Variants in PARD3 observed in about 807,000 individuals in gnomAD.
PARD3 encodes par-3 family cell polarity regulator, also known as partitioning defective 3 homolog.
A neutral mutation model predicts 155.4 loss-of-function variants in PARD3; 75 were observed. That is an observed-to-expected ratio of 0.48 (90% confidence interval 0.40 to 0.58). The LOEUF is 0.58. PARD3 is among the 20% of genes least tolerant of loss of function. PARD3 has a pLI of 0.00. For synonymous variants in PARD3, 576 were observed against 610.5 expected (o/e 0.94, Z 0.83); for missense variants, 1,642 against 1,721.7 (o/e 0.95, Z 0.82).
rs191515748 is a variant in PARD3 at position 34,123,666 on chromosome 10, C to G, written c.3541-3926G>C. ...CCCAGGCTGGTCTTGAACTCCTGCT[C>G]TCAAGTGATCCTCCCACCTTTGCCT... On this transcript the variant is annotated intron_variant, in intron 23 of 24. Coordinates refer to ENST00000374788, the MANE Select transcript of PARD3 (RefSeq NM_001184785.2). Among the ~76,000 whole-genome samples, 138 of 152,164 alleles carry G rather than the reference C, an allele frequency of 9.1e-4. No individual in the cohort carries two copies. In the Middle Eastern group the frequency reaches 0.02, roughly 23 times the overall value.
chr10:34,227,205 A>G (rs1952643572), intron 22 of PARD3, among the ~76,000 whole-genome samples: 1 of 152,250 alleles, frequency 6.6e-6, no homozygotes, highest in Non-Finnish European at 1.5e-5. Flanking sequence ...GGCAAAGGAC[A>G]TGAACAGACA....
intron 2 of PARD3, among the ~76,000 whole-genome samples, chr10:34,523,856 C>T (rs1033316164): frequency 2.6e-5 from 4 of 152,110 alleles, no homozygotes; most frequent in African/African-American, 9.7e-5. Context: ...AATCACTTTT[C>T]GTCTCCATAG....
intron 22 of PARD3, among the ~76,000 whole-genome samples, chr10:34,205,971 C>T (rs1390907819): frequency 6.6e-6 from 1 of 152,118 alleles, no homozygotes; most frequent in Non-Finnish European, 1.5e-5. Context: ...AGGGGCAGCA[C>T]CTGTGGCTGT....
At chr10:34,674,137 TTA>T (rs1486383638) in intron 2 of PARD3, among the ~76,000 whole-genome samples, 1 of 152,184 alleles carries the variant, frequency 6.6e-6, no homozygotes, top group Non-Finnish European at 1.5e-5. Context: ...ATTATCCTGG[TTA>T]TATCTGTATT....
Position 34,707,742 on chromosome 10 carries a change from T to A in PARD3, c.121-11323A>T, listed in dbSNP as rs115183488. Among the ~76,000 whole-genome samples the A allele has an allele frequency of 7.9e-3, 1,196 of 152,292 alleles. 19 individuals are homozygous for A. Among genetic ancestry groups the A allele is most frequent in the African/African-American group, 0.027 (1,132 of 41,552 alleles). On this transcript the variant is annotated intron_variant, in intron 1 of 24. Coordinates refer to ENST00000374788, the MANE Select transcript of PARD3 (RefSeq NM_001184785.2). Reference sequence around the variant, plus strand: ...GTCTCCTATAAGCATACAGATAATCTCAGTGTTCACTGTCAGAGTCCTTTC... The same window carrying A: ...GTCTCCTATAAGCATACAGATAATCACAGTGTTCACTGTCAGAGTCCTTTC...
chr10:34,498,361 T>C (rs1416649332), intron 3 of PARD3, among the ~76,000 whole-genome samples: 2 of 152,322 alleles, frequency 1.3e-5, no homozygotes, highest in African/African-American at 2.4e-5. Flanking sequence ...CCACGGAATA[T>C]AACATTTCAT....
At chr10:34,398,292 T>C (rs923998242) in intron 7 of PARD3, among the ~76,000 whole-genome samples, 4 of 152,070 alleles carry the variant, frequency 2.6e-5, no homozygotes, top group South Asian at 4.1e-4. Context: ...TTTAAAAAAA[T>C]AAAATGCATA....
intron 22 of PARD3, among the ~76,000 whole-genome samples, chr10:34,171,664 T>G (rs1485843410): frequency 3.3e-5 from 5 of 151,902 alleles, no homozygotes; most frequent in African/African-American, 9.7e-5. Context: ...TTCAGAGTCC[T>G]CAGGCCAGGT....
At chr10:34,688,504 A>G (rs1167655779) in intron 2 of PARD3, among the ~76,000 whole-genome samples, 1 of 152,256 alleles carries the variant, frequency 6.6e-6, no homozygotes, top group Non-Finnish European at 1.5e-5. Flanking sequence ...ATGTCAATTG[A>G]GAAAACTGAG....
At chr10:34,527,009 C>T (rs1352649040) in intron 2 of PARD3, among the ~76,000 whole-genome samples, 1 of 152,158 alleles carries the variant, frequency 6.6e-6, no homozygotes, top group East Asian at 1.9e-4. Flanking sequence ...TTTTGGCAAT[C>T]AGTAGTGGAA....
chr10:34,452,897 C>T, intron 4 of PARD3, among the ~76,000 whole-genome samples: 1 of 152,146 alleles, frequency 6.6e-6, no homozygotes, highest in East Asian at 1.9e-4. Flanking sequence ...TCCACAGCTT[C>T]TAAGTCTTAT....
intron 6 of PARD3, among the ~76,000 whole-genome samples, chr10:34,400,672 A>G (rs770688958): frequency 1.3e-5 from 2 of 152,176 alleles, no homozygotes; most frequent in African/African-American, 2.4e-5. Context: ...AAAAACCTGA[A>G]GTTATCCTAT....
At chr10:34,543,982 C>G (rs774616849) in intron 2 of PARD3, among the ~76,000 whole-genome samples, 1 of 152,180 alleles carries the variant, frequency 6.6e-6, no homozygotes, top group Non-Finnish European at 1.5e-5. Context: ...TTAATTCTCA[C>G]AGATGATGGC....
chr10:34,581,013 T>C (rs2134252364), intron 2 of PARD3, among the ~76,000 whole-genome samples: 1 of 152,304 alleles, frequency 6.6e-6, no homozygotes, highest in African/African-American at 2.4e-5. Flanking sequence ...TATTGTTTTC[T>C]TTCCCCCAAC....
In PARD3 at chr10:34,215,073, T is replaced by C. The variant is rs368105811; in HGVS notation, c.3419+54584A>G. On this transcript the variant is annotated intron_variant, in intron 22 of 24. Coordinates refer to ENST00000374788, the MANE Select transcript of PARD3 (RefSeq NM_001184785.2). ...AATCCTGCAATAAAACCAATTAAAA[T>C]TGCATTAAAAGATAAAACCTGAAAC... is the stretch of plus-strand genomic sequence containing the variant. Among the ~76,000 whole-genome samples the C allele has an allele frequency of 3.3e-5, 5 of 152,296 alleles. No homozygotes were observed. The East Asian group carries it at 5.8e-4, about 18-fold the overall frequency.
At chr10:34,367,575 G>A (rs1453410198) in intron 12 of PARD3, among the ~76,000 whole-genome samples, 2 of 151,998 alleles carry the variant, frequency 1.3e-5, no homozygotes, top group African/African-American at 4.8e-5. Flanking sequence ...GTGTTGGCAC[G>A]TGCCTGTAAT....
chr10:34,543,859 TAATA>T (rs1407375594), intron 2 of PARD3, among the ~76,000 whole-genome samples: 4 of 152,156 alleles, frequency 2.6e-5, no homozygotes, highest in African/African-American at 9.7e-5. Context: ...GAAGGCCAAT[TAATA>T]GTCAATGTAA....
chr10:34,398,064 A>T (rs1371366277), intron 7 of PARD3, among the ~76,000 whole-genome samples: 1 of 152,220 alleles, frequency 6.6e-6, no homozygotes, highest in African/African-American at 2.4e-5. Flanking sequence ...AAAAAGTAAA[A>T]GCAGCCACAA....
At chr10:34,208,144 T>C (rs1462588399) in intron 22 of PARD3, among the ~76,000 whole-genome samples, 1 of 152,242 alleles carries the variant, frequency 6.6e-6, no homozygotes, top group Non-Finnish European at 1.5e-5. Context: ...CATGAACACA[T>C]GATTTACTTT....
Sources: allele counts gnomAD v4.1 joint callset (sites outside exome capture counted in the v4.1 genomes callset), GRCh38; gene constraint gnomAD v4.1.1; transcripts MANE v1.5; gene names NCBI Gene and HGNC (gene_info 2026-07-23, HGNC 2026-07-21).